CTNNA3: variants seen among roughly 807,000 people sequenced by gnomAD.
The protein encoded by CTNNA3 is catenin alpha 3.
A neutral mutation model predicts 95.7 loss-of-function variants in CTNNA3; 76 were observed. The observed-to-expected ratio is 0.79, with a 90% CI of 0.66 to 0.96. The LOEUF (loss-of-function observed/expected upper bound fraction) is 0.96, where lower values mean the gene tolerates loss of function less well. Ranked by LOEUF, CTNNA3 falls within the 40% of genes least tolerant of loss-of-function variation. CTNNA3 has a pLI of 0.00. For missense variants in CTNNA3, 1,191 were observed against 1,089.8 expected (o/e 1.09, Z -1.31); for synonymous variants, 431 against 374.4 (o/e 1.15, Z -1.74).
intron 13 of CTNNA3, among the ~76,000 whole-genome samples, chr10:66,124,744 C>T (rs2082734927): frequency 6.6e-6 from 1 of 152,148 alleles, no homozygotes. Flanking sequence ...CAAAGAGAGA[C>T]AGCTTGTGCA....
chr10:66,540,685 C>T (rs147451293), intron 10 of CTNNA3, among the ~76,000 whole-genome samples: 149 of 149,006 alleles, frequency 1.0e-3, no homozygotes, highest in African/African-American at 3.6e-3. Context: ...TTCTTCCTTT[C>T]TTCCTTTCTA....
intron 7 of CTNNA3, among the ~76,000 whole-genome samples, chr10:67,105,294 T>C (rs1858572924): frequency 7.1e-6 from 1 of 140,940 alleles, no homozygotes; most frequent in South Asian, 2.2e-4. Context: ...CTATTAAGAA[T>C]AAAAATTAGT....
At chr10:66,909,542 T>C (rs1211475334) in intron 7 of CTNNA3, among the ~76,000 whole-genome samples, 1 of 151,478 alleles carries the variant, frequency 6.6e-6, no homozygotes, top group South Asian at 2.1e-4. Flanking sequence ...AATAAATAAA[T>C]CACTACCTTC....
chr10:66,142,303 T>G (rs2083659986), intron 13 of CTNNA3, among the ~76,000 whole-genome samples: 2 of 152,116 alleles, frequency 1.3e-5, no homozygotes, highest in Admixed American at 1.3e-4. Flanking sequence ...CTTTCATCAG[T>G]GGTCAGCTGG....
chr10:67,383,695 A>T (rs1395061739), intron 5 of CTNNA3, among the ~76,000 whole-genome samples: 1 of 152,198 alleles, frequency 6.6e-6, no homozygotes, highest in Non-Finnish European at 1.5e-5. Flanking sequence ...TGATTAGTTA[A>T]CAATAAATTT....
chr10:66,614,731 G>C (rs1844449933), intron 10 of CTNNA3, among the ~76,000 whole-genome samples: 1 of 152,010 alleles, frequency 6.6e-6, no homozygotes, highest in African/African-American at 2.4e-5. Context: ...GCAACAGATA[G>C]ATATAACAAA....
chr10:67,140,900 T>C (rs1564918990), intron 7 of CTNNA3, among the ~76,000 whole-genome samples: 1 of 152,210 alleles, frequency 6.6e-6, no homozygotes, highest in Non-Finnish European at 1.5e-5. Context: ...TTACATTGCA[T>C]CTTTAGGCCT....
intron 12 of CTNNA3, among the ~76,000 whole-genome samples, chr10:66,327,396 CA>C (rs35548756): frequency 6.6e-6 from 1 of 151,882 alleles, no homozygotes; most frequent in African/African-American, 2.4e-5. Flanking sequence ...TATTCTGTGT[CA>C]AAAAATATTT....
At chr10:67,735,129 A>G (rs113408712) in intron 1 of CTNNA3, among the ~76,000 whole-genome samples, 1,959 of 116,288 alleles carry the variant, frequency 0.017, 57 homozygotes, top group African/African-American at 0.081. Flanking sequence ...GCAAGTGAGC[A>G]CACACACACA....
At chr10:67,009,656 T>G (rs1407661702) in intron 7 of CTNNA3, among the ~76,000 whole-genome samples, 2 of 152,154 alleles carry the variant, frequency 1.3e-5, no homozygotes, top group African/African-American at 4.8e-5. Flanking sequence ...CAGCTCTTTG[T>G]TGTGTTATTA....
intron 5 of CTNNA3, among the ~76,000 whole-genome samples, chr10:67,443,106 C>A (rs1015325681): frequency 6.7e-6 from 1 of 149,046 alleles, no homozygotes; most frequent in African/African-American, 2.5e-5. Flanking sequence ...TCATCCATGT[C>A]CCTACAAAGG....
chr10:67,601,931 A>G (rs1843096101), intron 3 of CTNNA3, among the ~76,000 whole-genome samples: 1 of 152,144 alleles, frequency 6.6e-6, no homozygotes, highest in Non-Finnish European at 1.5e-5. Context: ...CAAAATACCC[A>G]CATTATTTAT....
chr10:66,053,880 G>T (rs1411881457), intron 15 of CTNNA3, among the ~76,000 whole-genome samples: 1 of 151,816 alleles, frequency 6.6e-6, no homozygotes, highest in African/African-American at 2.4e-5. Flanking sequence ...CCAACTATAT[G>T]TTTGTACCCA....
chr10:66,454,837 G>A (rs55710693), intron 11 of CTNNA3, among the ~76,000 whole-genome samples: 16,762 of 136,822 alleles, frequency 0.12, 1,436 homozygotes, highest in African/African-American at 0.25. Flanking sequence ...GGGGAGGAGG[G>A]GAAGAAAGGG....
intron 13 of CTNNA3, among the ~76,000 whole-genome samples, chr10:66,126,256 G>A (rs1306277292): frequency 6.6e-6 from 1 of 152,190 alleles, no homozygotes; most frequent in Non-Finnish European, 1.5e-5. Flanking sequence ...TGTTATACTA[G>A]TGTACTGAAA....
chr10:67,509,220 C>A (rs148333707), intron 5 of CTNNA3, among the ~76,000 whole-genome samples: 3,292 of 149,572 alleles, frequency 0.022, 151 homozygotes, highest in African/African-American at 0.077. Context: ...CCTTTAAGTT[C>A]TAGGGTACAT....
intron 3 of CTNNA3, among the ~76,000 whole-genome samples, chr10:67,579,200 C>A (rs1486369332): frequency 5.9e-4 from 49 of 82,480 alleles, no homozygotes; most frequent in African/African-American, 2.9e-3. Context: ...CTATCCATCC[C>A]CCCTCCCCCC....
chr10:66,471,129 T>C (rs943102302), intron 11 of CTNNA3, among the ~76,000 whole-genome samples: 15 of 152,028 alleles, frequency 9.9e-5, no homozygotes, highest in Non-Finnish European at 1.8e-4. Flanking sequence ...CATGGTTCTC[T>C]GTTCCTTGAA....
intron 10 of CTNNA3, among the ~76,000 whole-genome samples, chr10:66,530,902 G>A (rs555954022): frequency 2.0e-5 from 3 of 152,204 alleles, no homozygotes; most frequent in Non-Finnish European, 4.4e-5. Flanking sequence ...TGGGAGGATA[G>A]AGCTTTCTGT....
Sources: allele counts gnomAD v4.1 joint callset (sites outside exome capture counted in the v4.1 genomes callset), GRCh38; gene constraint gnomAD v4.1.1; transcripts MANE v1.5; gene names NCBI Gene and HGNC (gene_info 2026-07-23, HGNC 2026-07-21).